Variants in PRKAG2 observed in about 807,000 individuals in gnomAD.
PRKAG2 encodes protein kinase AMP-activated non-catalytic subunit gamma 2, also known as 5'-AMP-activated protein kinase subunit gamma-2.
In PRKAG2, 26 loss-of-function variants were observed where a neutral mutation model predicts 69.6. The ratio of observed to expected loss-of-function variants is 0.37; its 90% confidence interval spans 0.27 to 0.52. The LOEUF is 0.52. Ranked by LOEUF, PRKAG2 falls within the 20% of genes least tolerant of loss-of-function variation. PRKAG2 has a pLI of 0.90. For synonymous variants in PRKAG2, 293 were observed against 285.0 expected, an observed-to-expected ratio of 1.03 and a Z score of -0.28; for missense variants, 557 against 740.0, an observed-to-expected ratio of 0.75 and a Z score of 2.87.
chr7:151,867,744 C>T (rs767383776), intron 1 of PRKAG2, among the ~76,000 whole-genome samples: 21 of 152,190 alleles, frequency 1.4e-4, no homozygotes, highest in Admixed American at 8.5e-4. Context: ...CACACAGAAA[C>T]GAGTTGACTG....
intron 4 of PRKAG2, among the ~76,000 whole-genome samples, chr7:151,647,526 A>G (rs1192139317): frequency 6.6e-6 from 1 of 152,234 alleles, no homozygotes; most frequent in African/African-American, 2.4e-5. Flanking sequence ...GAAACCTTTG[A>G]GAGGAAGGCT....
intron 3 of PRKAG2, among the ~76,000 whole-genome samples, chr7:151,768,819 C>G (rs1278509476): frequency 6.6e-6 from 1 of 151,748 alleles, no homozygotes; most frequent in East Asian, 2.0e-4. Context: ...GGTGCCAGGA[C>G]TAAGTCAATG....
chr7:151,767,332 C>T (rs752335635), intron 3 of PRKAG2, among the ~76,000 whole-genome samples: 40 of 152,238 alleles, frequency 2.6e-4, no homozygotes, highest in African/African-American at 6.8e-4. Flanking sequence ...ACTCTGTCAC[C>T]GAGGCTGGAG....
intron 1 of PRKAG2, among the ~76,000 whole-genome samples, chr7:151,795,605 T>G (rs950118521): frequency 6.6e-6 from 1 of 152,056 alleles, no homozygotes; most frequent in Non-Finnish European, 1.5e-5. Context: ...GTGGGCGTAT[T>G]TGCAGACGTG....
rs764710475 is a variant in PRKAG2 at position 151,756,445 on chromosome 7, C to T, written c.466+24707G>A. On this transcript the variant is annotated intron_variant, in intron 3 of 15. Coordinates refer to ENST00000287878, the MANE Select transcript of PRKAG2 (RefSeq NM_016203.4). This position sits in a 1 kb window ranked among gnomAD's most constrained non-coding sequence, Gnocchi z 4.9. The stretch of plus-strand genomic sequence containing the variant: ...CAGCACATGGCTCAGGCACACGCAA[C>T]GACTCAGTGGTGCCTCCAGGCGAGC... Among the ~76,000 whole-genome samples the T allele has an allele frequency of 6.6e-5, 10 of 152,226 alleles. No homozygotes were observed. The highest frequency in any genetic ancestry group is 1.0e-4 in the Non-Finnish European group (7 of 68,028).
At chr7:151,600,173 T>C (rs1464189299) in intron 5 of PRKAG2, among the ~76,000 whole-genome samples, 3 of 152,164 alleles carry the variant, frequency 2.0e-5, no homozygotes, top group Non-Finnish European at 4.4e-5. Context: ...CTTTCCCCGT[T>C]CTGCCGAAAT....
At chr7:151,876,440 C>T (rs2080407305) in intron 1 of PRKAG2, 67 bp downstream of exon 1, 1 of 1,494,518 alleles carries the variant, frequency 6.7e-7, no homozygotes. Flanking sequence ...CAGCGTTAAC[C>T]GCTTCGGCGC....
chr7:151,743,832 T>C (rs918231483), intron 3 of PRKAG2, among the ~76,000 whole-genome samples: 164 of 152,258 alleles, frequency 1.1e-3, no homozygotes, highest in Non-Finnish European at 2.0e-3. Flanking sequence ...TGCTGACTGC[T>C]CCTCTGCCCT....
At chr7:151,574,850 G>T in intron 8 of PRKAG2, 41 bp downstream of exon 8, 1 of 1,613,060 alleles carries the variant, frequency 6.2e-7, no homozygotes. Context: ...ACATAGATAC[G>T]TACAGCTCCA....
chr7:151,845,784 C>T (rs1176963784), intron 1 of PRKAG2, among the ~76,000 whole-genome samples: 2 of 152,244 alleles, frequency 1.3e-5, no homozygotes, highest in African/African-American at 2.4e-5. Flanking sequence ...CCTAGGAGAT[C>T]AGAGCTCTTC....
chr7:151,796,650 C>T (rs78357483), intron 1 of PRKAG2, among the ~76,000 whole-genome samples: 8 of 152,200 alleles, frequency 5.3e-5, no homozygotes, highest in East Asian at 1.9e-4. Flanking sequence ...CGGCAAGGAC[C>T]GCGTCTTTTT....
intron 3 of PRKAG2, among the ~76,000 whole-genome samples, chr7:151,764,271 A>G (rs896151738): frequency 2.6e-5 from 4 of 152,212 alleles, no homozygotes; most frequent in African/African-American, 7.2e-5. Context: ...GGGACACTTC[A>G]GGCCACTGCC....
intron 3 of PRKAG2, among the ~76,000 whole-genome samples, chr7:151,679,245 AG>A (rs1160332099): frequency 6.6e-6 from 1 of 152,100 alleles, no homozygotes; most frequent in Non-Finnish European, 1.5e-5. Context: ...GGGGCCTCTC[AG>A]GGGGATCTGC....
At chr7:151,721,376 AGGGCCAGGGCCAGGGCCG>A (rs1226983671) in intron 3 of PRKAG2, among the ~76,000 whole-genome samples, 1 of 151,258 alleles carries the variant, frequency 6.6e-6, no homozygotes, top group Non-Finnish European at 1.5e-5. Context: ...GGCTGAAGAC[AGGGCCAGGGCCAGGGCCG>A]GGGCCAGGGC....
intron 6 of PRKAG2, among the ~76,000 whole-genome samples, chr7:151,579,880 A>G (rs759638006): frequency 1.3e-5 from 2 of 152,350 alleles, no homozygotes; most frequent in South Asian, 2.1e-4. Context: ...AGAAACTATG[A>G]AAGTCAGAAG....
At chr7:151,767,911 C>T (rs2151771234) in intron 3 of PRKAG2, among the ~76,000 whole-genome samples, 1 of 152,364 alleles carries the variant, frequency 6.6e-6, no homozygotes, top group South Asian at 2.1e-4. Flanking sequence ...CATTTCTCCA[C>T]AGCCTCCTTT....
At chr7:151,611,252 C>T (rs1171111720) in intron 5 of PRKAG2, among the ~76,000 whole-genome samples, 2 of 152,166 alleles carry the variant, frequency 1.3e-5, no homozygotes, top group Non-Finnish European at 2.9e-5. Flanking sequence ...GAGTGCTGAT[C>T]GATGGTTACA....
At chr7:151,754,827 G>A (rs1042963715) in intron 3 of PRKAG2, among the ~76,000 whole-genome samples, 3 of 151,866 alleles carry the variant, frequency 2.0e-5, no homozygotes, top group Non-Finnish European at 4.4e-5. Context: ...CTACCTTCGC[G>A]GTCCCCTCAG....
At chr7:151,572,788 G>C (rs1471066120) in intron 8 of PRKAG2, 79 bp from the exon 9 acceptor site, 12 of 932,940 alleles carry the variant, frequency 1.3e-5, no homozygotes, top group Non-Finnish European at 1.9e-5. Context: ...ACAAAACATA[G>C]CTTGGATAAT....
Sources: gnomAD v4.1 joint callset for allele counts (sites outside exome capture counted in the v4.1 genomes callset) on GRCh38, gnomAD v4.1.1 for gene constraint, Gnocchi (gnomAD v3.1) non-coding constraint, MANE v1.5 for transcripts, NCBI Gene and HGNC (gene_info 2026-07-23, HGNC 2026-07-21) for gene names.